ZNF83: variants seen among roughly 807,000 people sequenced by gnomAD.
The protein encoded by ZNF83 is zinc finger protein 816B.
For synonymous variants in ZNF83, 209 were observed against 213.0 expected (o/e 0.98, Z 0.17); for missense variants, 552 against 629.9 (o/e 0.88, Z 1.32).
intron 1 of ZNF83, among the ~76,000 whole-genome samples, chr19:52,663,105 G>A (rs976493809): frequency 1.3e-5 from 2 of 152,070 alleles, no homozygotes; most frequent in African/African-American, 2.4e-5. Flanking sequence ...AGAGGTTGCA[G>A]TGAGCCAAGA....
intron 1 of ZNF83, chr19:52,635,961 C>T (rs1037842202): frequency 6.9e-6 from 1 of 145,544 alleles, no homozygotes; most frequent in Non-Finnish European, 1.5e-5. Flanking sequence ...CACTGCACTC[C>T]AGCCTGGGAA....
chr19:52,670,932 T>C (rs986770558), intron 1 of ZNF83, among the ~76,000 whole-genome samples: 2 of 152,226 alleles, frequency 1.3e-5, no homozygotes, highest in African/African-American at 4.8e-5. Flanking sequence ...AAGGTTCTTT[T>C]GAAGTCCTCT....
chr19:52,650,008 G>C (rs1226051019), intron 3 of ZNF83, among the ~76,000 whole-genome samples: 4 of 152,028 alleles, frequency 2.6e-5, no homozygotes, highest in Admixed American at 6.6e-5. Context: ...CAGGTAAAAA[G>C]GGAAAGCAAA....
intron 1 of ZNF83, among the ~76,000 whole-genome samples, chr19:52,681,076 A>G (rs916629165): frequency 1.3e-5 from 2 of 151,686 alleles, no homozygotes; most frequent in Non-Finnish European, 2.9e-5. Flanking sequence ...TTTGAGGTCA[A>G]GAGTTGGAAA....
upstream of ZNF83, among the ~76,000 whole-genome samples, chr19:52,639,420 T>TTTTTTTC (rs1568556756): frequency 7.2e-6 from 1 of 139,582 alleles, no homozygotes; most frequent in Non-Finnish European, 1.5e-5. Flanking sequence ...TTTCTATTTT[T>TTTTTTTC]TTTTTTTTTT....
chr19:52,657,702 C>G (rs2061524798), intron 2 of ZNF83, among the ~76,000 whole-genome samples: 1 of 151,786 alleles, frequency 6.6e-6, no homozygotes, highest in Admixed American at 6.6e-5. Flanking sequence ...ACAAAATTAG[C>G]CAGATGTGGT....
At chr19:52,653,891 C>T (rs2061474886) in intron 3 of ZNF83, among the ~76,000 whole-genome samples, 1 of 152,200 alleles carries the variant, frequency 6.6e-6, no homozygotes, top group Non-Finnish European at 1.5e-5. Flanking sequence ...TTGCCACACT[C>T]ATTACATTGG....
At chr19:52,687,633 G>GTGTATATATATA (rs1555792757) in intron 1 of ZNF83, among the ~76,000 whole-genome samples, 3 of 27,840 alleles carry the variant, frequency 1.1e-4, no homozygotes, top group African/African-American at 9.2e-4. Flanking sequence ...TATATATAAT[G>GTGTATATATATA]TATATATATA....
At chr19:52,660,740 C>T in intron 2 of ZNF83, 1 of 203,236 alleles carries the variant, frequency 4.9e-6, no homozygotes, top group Non-Finnish European at 1.1e-5. Context: ...AGAGAAGAAT[C>T]CACTGAGGAA....
intron 3 of ZNF83, chr19:52,655,397 C>A: frequency 4.3e-6 from 3 of 694,060 alleles, no homozygotes; most frequent in Non-Finnish European, 4.8e-6. Context: ...AGGATAGTCT[C>A]TAAGAAGCTG....
At chr19:52,666,171 A>AG (rs2061649122) in intron 1 of ZNF83, among the ~76,000 whole-genome samples, 1 of 151,284 alleles carries the variant, frequency 6.6e-6, no homozygotes, top group Admixed American at 6.6e-5. Flanking sequence ...CTCAAAAAAA[A>AG]AAAAAAAGAA....
chr19:52,625,063 C>T (rs1341729426), intron 2 of ZNF83, among the ~76,000 whole-genome samples: 2 of 151,862 alleles, frequency 1.3e-5, no homozygotes, highest in Non-Finnish European at 2.9e-5. Context: ...GTTCCTCATC[C>T]TGATCACATT....
chr19:52,675,413 T>C (rs2869085), intron 1 of ZNF83, among the ~76,000 whole-genome samples: 125,503 of 151,712 alleles, frequency 0.83, 52,566 homozygotes, highest in African/African-American at 0.96. Context: ...TCAAGGGGGA[T>C]ACAAGGGCTG....
At chr19:52,672,874 CA>C (rs1172449170) in intron 1 of ZNF83, among the ~76,000 whole-genome samples, 1 of 151,644 alleles carries the variant, frequency 6.6e-6, no homozygotes, top group Non-Finnish European at 1.5e-5. Flanking sequence ...CCGTGCATGG[CA>C]AAAAAGTTTA....
At chr19:52,667,492 G>T in intron 1 of ZNF83, among the ~76,000 whole-genome samples, 1 of 152,174 alleles carries the variant, frequency 6.6e-6, no homozygotes, top group Non-Finnish European at 1.5e-5. Flanking sequence ...TTATGTGCAA[G>T]TTGTGTAAGG....
At chr19:52,627,438 G>T (rs2060786314) in intron 2 of ZNF83, among the ~76,000 whole-genome samples, 1 of 152,002 alleles carries the variant, frequency 6.6e-6, no homozygotes, top group Non-Finnish European at 1.5e-5. Flanking sequence ...GAGGTGGGTG[G>T]ATCACCTGAG....
At chr19:52,635,259 C>G in intron 1 of ZNF83, 106 bp from the exon 2 acceptor site, 1 of 478,408 alleles carries the variant, frequency 2.1e-6, no homozygotes, top group Non-Finnish European at 3.7e-6. Context: ...ATATGGTCCC[C>G]TCTGCTGCCC....
At chr19:52,626,427 G>A (rs2060739541) in intron 2 of ZNF83, among the ~76,000 whole-genome samples, 1 of 152,116 alleles carries the variant, frequency 6.6e-6, no homozygotes, top group African/African-American at 2.4e-5. Context: ...CCTGGTATAT[G>A]ACAACATAAA....
At chr19:52,666,002 CAA>C (rs36054712) in intron 1 of ZNF83, among the ~76,000 whole-genome samples, 1 of 144,326 alleles carries the variant, frequency 6.9e-6, no homozygotes, top group African/African-American at 2.5e-5. Flanking sequence ...ACTAAAAATA[CAA>C]AAAAAAAAAA....
Sources: gnomAD v4.1 joint callset for allele counts (sites outside exome capture counted in the v4.1 genomes callset) on GRCh38, gnomAD v4.1.1 for gene constraint, MANE v1.5 for transcripts, NCBI Gene and HGNC (gene_info 2026-07-23, HGNC 2026-07-21) for gene names.